SMG5: variants seen among roughly 807,000 people sequenced by gnomAD.
SMG5 encodes the protein SMG5 nonsense mediated mRNA decay factor, also known as nonsense-mediated mRNA decay factor SMG5.
A neutral mutation model predicts 122.9 loss-of-function variants in SMG5; 53 were observed. The ratio of observed to expected loss-of-function variants is 0.43; its 90% CI spans 0.35 to 0.54. The LOEUF (loss-of-function observed/expected upper bound fraction) is 0.54, where lower values mean the gene tolerates loss of function less well. Ranked by LOEUF, SMG5 falls within the 20% of genes least tolerant of loss-of-function variation. The pLI is 0.01. For missense variants in SMG5, 1,153 were observed against 1,285.6 expected, an observed-to-expected ratio of 0.90 and a Z score of 1.58; for synonymous variants, 477 against 490.2, an observed-to-expected ratio of 0.97 and a Z score of 0.35.
intron 10 of SMG5, 123 bp from the exon 11 acceptor site, chr1:156,266,801 C>CTT (rs370875877): frequency 4.8e-4 from 426 of 885,438 alleles, no homozygotes; most frequent in Non-Finnish European, 5.4e-4. Context: ...ATCAAAGATT[C>CTT]TTTTTTTTTT....
At position 156,277,977 on chromosome 1, in the gene SMG5, A is replaced by C. The variant is rs752359753; in HGVS notation, c.245T>G (p.Leu82Arg). ...VDYGRKAEEL[L>R]WRKVYYEVIQ... ...AACTTCATAGTATACCTTTCTCCAC[A>C]GCAGCTCCTCAGCCTTTCTCCCATA... Residue 82 changes from leucine (L) to arginine (R), a missense_variant, in exon 3 of 22, where the codon CTG (leucine) becomes CGG (arginine). Leu to Arg is a moderately radical substitution (Grantham distance 102). This residue lies in a region of SMG5 where 213 missense variants were observed against 197.5 expected (regional missense o/e 1.08). Transcript: ENST00000361813. 4 of 1,614,164 alleles carry C rather than the reference A, an allele frequency of 2.5e-6. No individual in the cohort carries two copies. The highest frequency in any genetic ancestry group is 3.4e-6 in the Non-Finnish European group (4 of 1,180,014).
rs776356159 is a variant in SMG5 at position 156,266,255 on chromosome 1, G to A, written c.1381C>T (p.Arg461Cys). The A allele has an allele frequency of 1.2e-5, 19 of 1,614,204 alleles. No individual in the cohort carries two copies. Among genetic ancestry groups the A allele is most frequent in the African/African-American group, 1.3e-5 (1 of 75,036 alleles). ...CCAACTTTGGGTGGGTGGCGGCGAC[G>A]GCGGAGACAGGAGAGGCGAGAGAAC... is the stretch of plus-strand genomic sequence containing the variant. ...RKFSRLSCLR[R>C]RRHPPKVGDD... Residue 461 changes from arginine to cysteine, a missense_variant, in exon 12 of 22, where the codon CGT (arginine) becomes TGT (cysteine). By Grantham distance (180) the Arg-to-Cys change is radical. Coordinates refer to ENST00000361813, the MANE Select transcript of SMG5 (RefSeq NM_015327.3).
chr1:156,262,907 C>T (rs1438758027), intron 13 of SMG5, among the ~76,000 whole-genome samples: 1 of 152,196 alleles, frequency 6.6e-6, no homozygotes, highest in Non-Finnish European at 1.5e-5. Flanking sequence ...GGGAAAGCTA[C>T]CATGGCCCCA....
chr1:156,250,628 T>A lies in SMG5; in HGVS notation c.3010A>T (p.Asn1004Tyr), dbSNP rs17853821. 3 of 1,614,122 alleles carry A rather than the reference T, an allele frequency of 1.9e-6. No homozygotes were observed. Among genetic ancestry groups the A allele is most frequent in the Non-Finnish European group, 2.5e-6 (3 of 1,180,030 alleles). ...AAAHASVDIK[N>Y]VLDFYKQWKE... is the part of the protein sequence containing the mutation. Reference sequence around the variant, plus strand: ...CACTGCTTGTAGAAGTCCAGAACATTCTTGATGTCCACACTGGCGTGGGCA... The same window carrying A: ...CACTGCTTGTAGAAGTCCAGAACATACTTGATGTCCACACTGGCGTGGGCA... Residue 1004 changes from asparagine to tyrosine, a missense_variant, in exon 22 of 22, where the codon AAT (asparagine) becomes TAT (tyrosine). Coordinates refer to ENST00000361813, the MANE Select transcript of SMG5 (RefSeq NM_015327.3).
chr1:156,266,725 G>A (rs1662171349), intron 10 of SMG5, 47 bp from the exon 11 acceptor site: 2 of 1,603,632 alleles, frequency 1.2e-6, no homozygotes, highest in East Asian at 4.5e-5. Flanking sequence ...CCCTGATGAG[G>A]AGTAGGCACC....
chr1:156,279,634 T>C (rs936579885), intron 1 of SMG5, among the ~76,000 whole-genome samples: 8 of 152,200 alleles, frequency 5.3e-5, no homozygotes, highest in Admixed American at 5.2e-4. Context: ...TATATAGCTC[T>C]GGTATATGGT....
At chr1:156,273,718 CTTTT>C (rs748042052) in intron 5 of SMG5, among the ~76,000 whole-genome samples, 6 of 116,336 alleles carry the variant, frequency 5.2e-5, no homozygotes, top group Non-Finnish European at 6.9e-5. Flanking sequence ...GTTTTGTTTT[CTTTT>C]TTTTTTTTTT....
At chr1:156,278,070 G>C in intron 2 of SMG5, 22 bp from the exon 3 acceptor site, 1 of 1,612,956 alleles carries the variant, frequency 6.2e-7, no homozygotes, top group Non-Finnish European at 8.5e-7. Context: ...AGAGGAGCAT[G>C]AGAGAGACAG....
chr1:156,266,228 C>A lies in SMG5; in HGVS notation c.1408G>T (p.Asp470Tyr). The part of the protein sequence containing the change: ...RRRRHPPKVG[D>Y]DSDLSEGFES... Reference sequence around the variant, plus strand: ...AAGCCTTCACTCAGGTCACTGTCATCACCAACTTTGGGTGGGTGGCGGCGA... The same window carrying A: ...AAGCCTTCACTCAGGTCACTGTCATAACCAACTTTGGGTGGGTGGCGGCGA... The change falls in exon 12 of 22, where the codon GAT (aspartate) becomes TAT (tyrosine). Residue 470 changes from aspartate to tyrosine, a missense_variant. Physicochemically the swap from Asp to Tyr is radical, Grantham distance 160 (BLOSUM62 -3). This residue lies in a region of SMG5 where 631 missense variants were observed against 650.6 expected (regional missense o/e 0.97). Coordinates refer to ENST00000361813, the MANE Select transcript of SMG5 (RefSeq NM_015327.3). 6.2e-7 allele frequency: 1 copy of A among 1,614,240 alleles called. No homozygotes were observed.
chr1:156,277,055 G>C (rs749986907), intron 4 of SMG5, 30 bp downstream of exon 4: 4 of 1,605,604 alleles, frequency 2.5e-6, no homozygotes, highest in Admixed American at 1.7e-5. Flanking sequence ...ATGAGAACCT[G>C]CTCAAGTCCA....
At chr1:156,254,414 T>TATGGATGGGGATATCCATAAGATAAG (rs1661485664) in intron 16 of SMG5, among the ~76,000 whole-genome samples, 2 of 152,214 alleles carry the variant, frequency 1.3e-5, no homozygotes, top group Admixed American at 6.5e-5. Flanking sequence ...TCCTGTAAGA[T>TATGGATGGGGATATCCATAAGATAAG]ATGGGGAGCC....
At chr1:156,270,555 T>A (rs1162163134) in intron 7 of SMG5, among the ~76,000 whole-genome samples, 1 of 152,210 alleles carries the variant, frequency 6.6e-6, no homozygotes, top group Non-Finnish European at 1.5e-5. Context: ...GAGAGAGAAT[T>A]GTTTTAGCAG....
chr1:156,268,388 T>G lies in SMG5; in HGVS notation c.741A>C (p.Gly247=), dbSNP rs1007980951. 6.2e-7 allele frequency: 1 copy of G among 1,614,066 alleles called. No homozygotes were observed. Among genetic ancestry groups the G allele is most frequent in the Admixed American group, 1.7e-5 (1 of 60,012 alleles). ...RCIQSEVSFE[G]AYGNLKRLYD... is the part of the protein sequence containing the mutation. Reference sequence around the variant, plus strand: ...ACAGCCGCTTGAGGTTCCCATAGGCTCCCTCAAAGGACACTTCTGACTGGA... The same window carrying G: ...ACAGCCGCTTGAGGTTCCCATAGGCGCCCTCAAAGGACACTTCTGACTGGA... The change falls in exon 8 of 22, where the codon GGA becomes GGC. Residue 247 remains glycine, a synonymous_variant. Transcript: ENST00000361813.
the SMG5 span, chr1:156,291,311 C>T: frequency 1.4e-6 from 2 of 1,409,410 alleles, no homozygotes; most frequent in Non-Finnish European, 2.0e-6. Flanking sequence ...TCTACTCCCC[C>T]CACCGTCAGC....
At chr1:156,281,297 G>A (rs1411355325) in intron 1 of SMG5, among the ~76,000 whole-genome samples, 1 of 152,178 alleles carries the variant, frequency 6.6e-6, no homozygotes, top group Non-Finnish European at 1.5e-5. Flanking sequence ...AACTACATTT[G>A]ATGACAACTG....
Position 156,257,172 on chromosome 1 carries a change from C to T in SMG5, c.2442+1833G>A, listed in dbSNP as rs528133110. On this transcript the variant is annotated intron_variant, in intron 16 of 21. Transcript: ENST00000361813. ...GAACTCCTGACTTCAAGTGATCCGC[C>T]CGCCTTGGCCTCCCAAAGTGCTGAG... is the stretch of plus-strand genomic sequence containing the variant. 8.5e-5 allele frequency among the ~76,000 whole-genome samples: 13 copies of T among 152,238 alleles called. No homozygotes were observed. In the South Asian group the frequency reaches 2.7e-3, roughly 32 times the overall value.
chr1:156,287,669 T>C (rs755120108), upstream of SMG5, among the ~76,000 whole-genome samples: 9 of 140,816 alleles, frequency 6.4e-5, no homozygotes, highest in Non-Finnish European at 1.1e-4. Flanking sequence ...GGCTGGAGAG[T>C]ACAATGGCAG....
rs1424847478 is a variant in SMG5 at position 156,275,465 on chromosome 1, C to T, written c.455-779G>A. 2.1e-5 allele frequency among the ~76,000 whole-genome samples: 3 copies of T among 145,226 alleles called. No individual in the cohort carries two copies. The East Asian group carries it at 5.8e-4, about 28-fold the overall frequency. On this transcript the variant is annotated intron_variant, in intron 4 of 21. Transcript: ENST00000361813. ...AGTATTAACTTAATTCTCACAGCAA[C>T]CCTATGAGGTTACTCTTATTACTCC...
At chr1:156,270,730 G>A (rs1012116016) in intron 7 of SMG5, among the ~76,000 whole-genome samples, 3 of 152,206 alleles carry the variant, frequency 2.0e-5, no homozygotes, top group Non-Finnish European at 4.4e-5. Context: ...AGATACAGCC[G>A]GGCACGGTGG....
Sources: allele counts gnomAD v4.1 joint callset (sites outside exome capture counted in the v4.1 genomes callset), GRCh38; gene constraint gnomAD v4.1.1; regional missense constraint gnomAD v4.1.1; transcripts MANE v1.5; gene names NCBI Gene and HGNC (gene_info 2026-07-23, HGNC 2026-07-21).